The following SUSD6 variants were observed in gnomAD, a reference collection of about 807,000 sequenced individuals.
SUSD6 encodes sushi domain-containing protein 6.
Under a neutral mutation model 28.4 loss-of-function variants are expected in SUSD6, and 16 were observed. The ratio of observed to expected loss-of-function variants is 0.56; its 90% confidence interval spans 0.38 to 0.86. The LOEUF (loss-of-function observed/expected upper bound fraction) is 0.86, where lower values mean the gene tolerates loss of function less well. Ranked by LOEUF, SUSD6 falls within the 40% of genes least tolerant of loss-of-function variation. The pLI, the probability that SUSD6 is intolerant of heterozygous loss-of-function variation, is 0.00. For missense variants in SUSD6, 341 were observed against 384.2 expected (o/e 0.89, Z 0.94); for synonymous variants, 147 against 159.6 (o/e 0.92, Z 0.59).
chr14:69,683,374 G>A lies in SUSD6; in HGVS notation c.122-20021G>A, dbSNP rs184501375. 1.5e-4 allele frequency among the ~76,000 whole-genome samples: 23 copies of A among 152,316 alleles called. No individual in the cohort carries two copies. The East Asian group carries it at 4.4e-3, about 29-fold the overall frequency. On this transcript the variant is annotated intron_variant, in intron 2 of 5. Coordinates refer to ENST00000342745, the MANE Select transcript of SUSD6 (RefSeq NM_014734.4). ...TTCTGCCCTTTTGAGGAGCTCATGA[G>A]GAGGACCATGTCACATTTAGAAATG...
rs191038803 is a variant in SUSD6 at position 69,696,113 on chromosome 14, C to A, written c.122-7282C>A. Among the ~76,000 whole-genome samples, 26 of 152,350 alleles carry A rather than the reference C, an allele frequency of 1.7e-4. No homozygotes were observed. The Middle Eastern group carries it at 0.01, about 60-fold the overall frequency. ...AAATGAGCCACAAAACAGAACCTGG[C>A]AGGTTTCCTGATGCCCTGCCCCCCT... On this transcript the variant is annotated intron_variant, in intron 2 of 5. Coordinates refer to ENST00000342745, the MANE Select transcript of SUSD6 (RefSeq NM_014734.4).
chr14:69,677,960 T>C (rs1352470981), intron 2 of SUSD6, among the ~76,000 whole-genome samples: 2 of 152,182 alleles, frequency 1.3e-5, no homozygotes, highest in Non-Finnish European at 2.9e-5. Context: ...CCTCCCAGAT[T>C]TAATATTTTG....
intron 1 of SUSD6, among the ~76,000 whole-genome samples, chr14:69,629,824 G>A (rs1885167926): frequency 6.6e-6 from 1 of 152,198 alleles, no homozygotes; most frequent in Non-Finnish European, 1.5e-5. Context: ...TGTTGGGGGT[G>A]GTATATGAAA....
chr14:69,614,675 C>A (rs1046856483), intron 1 of SUSD6, among the ~76,000 whole-genome samples: 2 of 152,108 alleles, frequency 1.3e-5, no homozygotes, highest in Non-Finnish European at 2.9e-5. Context: ...CTACTGGTAT[C>A]ATTTGTAGGC....
At chr14:69,628,656 G>A (rs1348997678) in intron 1 of SUSD6, among the ~76,000 whole-genome samples, 4 of 151,344 alleles carry the variant, frequency 2.6e-5, no homozygotes, top group African/African-American at 9.7e-5. Flanking sequence ...AAACATTTCA[G>A]TACTGTTAAT....
chr14:69,642,243 C>T (rs1885363082), intron 1 of SUSD6, among the ~76,000 whole-genome samples: 1 of 152,180 alleles, frequency 6.6e-6, no homozygotes, highest in Admixed American at 6.5e-5. Context: ...TCATGGCTTA[C>T]TTTTAAGCTT....
At chr14:69,612,248 C>T (rs750158296) in intron 1 of SUSD6, among the ~76,000 whole-genome samples, 7 of 152,132 alleles carry the variant, frequency 4.6e-5, no homozygotes, top group Admixed American at 1.3e-4. Flanking sequence ...CTCAGCCCAG[C>T]AAAGCTGCGG....
chr14:69,664,702 C>T (rs61980737), intron 2 of SUSD6, among the ~76,000 whole-genome samples: 7,150 of 152,226 alleles, frequency 0.047, 209 homozygotes, highest in East Asian at 0.15. Flanking sequence ...CCAGAGTCCA[C>T]GTAACTGGGT....
intron 2 of SUSD6, among the ~76,000 whole-genome samples, chr14:69,662,875 G>T (rs1885683446): frequency 6.6e-6 from 1 of 152,198 alleles, no homozygotes; most frequent in South Asian, 2.1e-4. Context: ...TAATAAAAAT[G>T]ATTGGAAGGC....
At chr14:69,695,412 G>A (rs1444084455) in intron 2 of SUSD6, among the ~76,000 whole-genome samples, 1 of 152,236 alleles carries the variant, frequency 6.6e-6, no homozygotes, top group Non-Finnish European at 1.5e-5. Context: ...CAGGACTTTT[G>A]CGAAGGAACC....
chr14:69,668,896 C>T (rs1885786528), intron 2 of SUSD6, among the ~76,000 whole-genome samples: 1 of 151,842 alleles, frequency 6.6e-6, no homozygotes. Flanking sequence ...TGTGATGTGC[C>T]TGTTCCCTCT....
intron 2 of SUSD6, among the ~76,000 whole-genome samples, chr14:69,678,630 C>T (rs141752436): frequency 2.9e-3 from 436 of 152,092 alleles, no homozygotes; most frequent in African/African-American, 0.01. Flanking sequence ...TGATGAAACC[C>T]TGTCTCTACA....
At chr14:69,614,706 T>TA (rs1215719436) in intron 1 of SUSD6, among the ~76,000 whole-genome samples, 2 of 151,300 alleles carry the variant, frequency 1.3e-5, no homozygotes, top group Admixed American at 6.6e-5. Context: ...ACAGCATCTT[T>TA]AAAAAAAAAT....
intron 1 of SUSD6, among the ~76,000 whole-genome samples, chr14:69,622,331 A>AT (rs1218772552): frequency 1.3e-5 from 2 of 151,782 alleles, no homozygotes; most frequent in African/African-American, 2.4e-5. Context: ...TGCCCGGCCA[A>AT]TTTTTTTGGA....
rs1886511912 is a variant in SUSD6, at chr14:69,714,150, C to T, written c.*3171C>T. 6.6e-6 allele frequency: 1 copy of T among 152,152 alleles called. No homozygotes were observed. The highest frequency in any genetic ancestry group is 2.4e-5 in the African/African-American group (1 of 41,432). The allele number at this position is 152,152 out of a possible 1,614,324, so 9.4% of individuals were successfully genotyped here. On this transcript the variant is annotated 3_prime_UTR_variant, in exon 6 of 6. Transcript: ENST00000342745. ...TAAATACAAGCACTCCATTTGCAAA[C>T]AGATCTTAAGCTAATATTTTCTTTC...
chr14:69,617,520 A>T (rs994531283), intron 1 of SUSD6: 2 of 152,242 alleles, frequency 1.3e-5, no homozygotes, highest in African/African-American at 4.8e-5. Context: ...CTCCAGTAGC[A>T]TTGTTTCCAA....
At chr14:69,703,021 C>T (rs1480206100) in intron 2 of SUSD6, among the ~76,000 whole-genome samples, 1 of 152,184 alleles carries the variant, frequency 6.6e-6, no homozygotes, top group Non-Finnish European at 1.5e-5. Flanking sequence ...CAACATTTTT[C>T]CTCCTTTCAC....
Position 69,629,316 on chromosome 14 carries a change from C to A in SUSD6, c.-81+17488C>A, listed in dbSNP as rs745675469. Among the ~76,000 whole-genome samples the A allele has an allele frequency of 5.3e-4, 81 of 152,122 alleles. 1 individual carries two copies. The highest frequency in any genetic ancestry group is 3.2e-3 in the Middle Eastern group (1 of 316). On this transcript the variant is annotated intron_variant, in intron 1 of 5. Coordinates refer to ENST00000342745, the MANE Select transcript of SUSD6 (RefSeq NM_014734.4). The stretch of plus-strand genomic sequence containing the variant: ...CAGAGGAGCCTGGAGGACCAGATAA[C>A]CTCTGTATTTAGGTAGATGGCCGTT...
intron 2 of SUSD6, among the ~76,000 whole-genome samples, chr14:69,686,802 CAT>C (rs1283954698): frequency 1.3e-5 from 2 of 152,160 alleles, no homozygotes; most frequent in African/African-American, 4.8e-5. Context: ...CCTCCCACAA[CAT>C]GTGGGAATTA....
Sources: allele counts gnomAD v4.1 joint callset (sites outside exome capture counted in the v4.1 genomes callset), GRCh38; gene constraint gnomAD v4.1.1; transcripts MANE v1.5; gene names NCBI Gene and HGNC (gene_info 2026-07-23, HGNC 2026-07-21).